Variants in CDH23 observed in about 807,000 individuals in gnomAD.
CDH23 encodes the protein cadherin-23.
In CDH23, 189 loss-of-function variants were observed where a neutral mutation model predicts 317.1. That is an observed-to-expected ratio of 0.60 (90% CI 0.53 to 0.67). The LOEUF is 0.67. Ranked by LOEUF, CDH23 falls within the 30% of genes least tolerant of loss-of-function variation. The pLI, the probability that CDH23 is intolerant of heterozygous loss-of-function variation, is 0.00. For missense variants in CDH23, 4,401 were observed against 4,592.4 expected (o/e 0.96, Z 1.20); for synonymous variants, 1,839 against 1,876.8 (o/e 0.98, Z 0.52).
At chr10:71,466,526 G>T (rs1851263838) in intron 3 of CDH23, among the ~76,000 whole-genome samples, 1 of 152,186 alleles carries the variant, frequency 6.6e-6, no homozygotes, top group African/African-American at 2.4e-5. Flanking sequence ...GTGAGTGAAA[G>T]TGTGTGTGCC....
At chr10:71,497,990 G>T (rs969812673) in intron 3 of CDH23, among the ~76,000 whole-genome samples, 1 of 152,164 alleles carries the variant, frequency 6.6e-6, no homozygotes, top group Non-Finnish European at 1.5e-5. Flanking sequence ...TCCCCAGCAC[G>T]ACACCCACAA....
chr10:71,557,208 T>C (rs1856915483), intron 6 of CDH23, among the ~76,000 whole-genome samples: 1 of 152,286 alleles, frequency 6.6e-6, no homozygotes. Flanking sequence ...ACTGTAATTA[T>C]ATTTCCTCTT....
chr10:71,442,573 C>T (rs1267191343), intron 2 of CDH23, among the ~76,000 whole-genome samples: 2 of 151,266 alleles, frequency 1.3e-5, no homozygotes, highest in Non-Finnish European at 2.9e-5. Flanking sequence ...TGCCTTCTCT[C>T]TTTGAAGCCT....
rs1438024506 is a variant in CDH23 at position 71,403,429 on chromosome 10, C to T, written c.-6+6111C>T. Reference sequence around the variant, plus strand: ...TTTCTCTTCCTTCCTTCCTTCCTTCCTTCCTTCCTTCCTTCCTTCCTTCCT... The same window carrying T: ...TTTCTCTTCCTTCCTTCCTTCCTTCTTTCCTTCCTTCCTTCCTTCCTTCCT... On this transcript the variant is annotated intron_variant, in intron 1 of 69. Transcript: ENST00000224721. Among the ~76,000 whole-genome samples the T allele has an allele frequency of 5.7e-4, 39 of 68,578 alleles. 2 individuals are homozygous for T. The highest frequency in any genetic ancestry group is 3.7e-3 in the African/African-American group (35 of 9,584). 45.0% of individuals were successfully genotyped at this position (68,578 alleles called of 152,430 possible).
intron 3 of CDH23, among the ~76,000 whole-genome samples, chr10:71,452,472 C>A (rs747258721): frequency 2.0e-5 from 3 of 152,184 alleles, no homozygotes; most frequent in Non-Finnish European, 2.9e-5. Context: ...CACTGCCGTG[C>A]CCTCAACCAT....
intron 9 of CDH23, among the ~76,000 whole-genome samples, chr10:71,600,562 G>C (rs1860150385): frequency 6.7e-6 from 1 of 148,782 alleles, no homozygotes; most frequent in Non-Finnish European, 1.5e-5. Context: ...CTGTCACCAG[G>C]CTGGAGTGCA....
chr10:71,573,615 C>T (rs980492141), intron 8 of CDH23, among the ~76,000 whole-genome samples: 9 of 152,228 alleles, frequency 5.9e-5, no homozygotes, highest in South Asian at 2.1e-4. Flanking sequence ...CTCTCTCAGA[C>T]GCAAGGATCT....
chr10:71,790,018 TG>T, intron 45 of CDH23, among the ~76,000 whole-genome samples: 1 of 152,334 alleles, frequency 6.6e-6, no homozygotes, highest in Non-Finnish European at 1.5e-5. Flanking sequence ...CAAAGGCTGC[TG>T]GGAAGGCAGA....
At chr10:71,778,400 G>C in intron 40 of CDH23, 92 bp downstream of exon 40, 1 of 1,512,508 alleles carries the variant, frequency 6.6e-7, no homozygotes, top group African/African-American at 1.4e-5. Context: ...GTTAGGGGAA[G>C]ATTGTCTGAG....
intron 22 of CDH23, among the ~76,000 whole-genome samples, chr10:71,697,547 C>T (rs1865437972): frequency 6.6e-6 from 1 of 152,070 alleles, no homozygotes; most frequent in Admixed American, 6.5e-5. Flanking sequence ...GTGGTGCACA[C>T]CTGTGGTCCC....
intron 1 of CDH23, among the ~76,000 whole-genome samples, chr10:71,402,121 A>G (rs1000029742): frequency 5.9e-5 from 9 of 152,084 alleles, no homozygotes; most frequent in Non-Finnish European, 8.8e-5. Flanking sequence ...ACAGCTCCAT[A>G]TATTTGGGGC....
intron 38 of CDH23, among the ~76,000 whole-genome samples, chr10:71,772,844 C>G (rs746203229): frequency 6.6e-6 from 1 of 152,188 alleles, no homozygotes; most frequent in Admixed American, 6.5e-5. Flanking sequence ...GTGGACCCAC[C>G]GTGACCAGTG....
intron 3 of CDH23, among the ~76,000 whole-genome samples, chr10:71,468,090 C>T (rs1460899733): frequency 1.3e-5 from 2 of 152,208 alleles, no homozygotes; most frequent in African/African-American, 4.8e-5. Flanking sequence ...AGCCCACACG[C>T]TCCTTGCTGT....
intron 38 of CDH23, among the ~76,000 whole-genome samples, chr10:71,770,026 C>A (rs1322394138): frequency 6.6e-6 from 1 of 152,214 alleles, no homozygotes; most frequent in Non-Finnish European, 1.5e-5. Context: ...CCTACAGGGG[C>A]TCACAGGTAG....
At chr10:71,745,928 C>T (rs900835835) in intron 38 of CDH23, among the ~76,000 whole-genome samples, 16 of 152,276 alleles carry the variant, frequency 1.1e-4, no homozygotes, top group African/African-American at 3.9e-4. Context: ...CATCCTTTTA[C>T]TCCCACTGCA....
chr10:71,397,905 G>A lies in CDH23; in HGVS notation c.-6+587G>A, dbSNP rs998839439. Reference sequence around the variant, plus strand: ...CCTCCCAAATTCGGTCCAGCTATGGGAAGACGCGCCCCTCGAGGAGCCGGG... The same window carrying A: ...CCTCCCAAATTCGGTCCAGCTATGGAAAGACGCGCCCCTCGAGGAGCCGGG... On this transcript the variant is annotated intron_variant, in intron 1 of 69. Transcript: ENST00000224721. This position sits in a 1 kb window ranked among gnomAD's most constrained non-coding sequence, Gnocchi z 4.8. Among the ~76,000 whole-genome samples the A allele has an allele frequency of 1.3e-5, 2 of 152,186 alleles. No individual in the cohort carries two copies. The highest frequency in any genetic ancestry group is 2.9e-5 in the Non-Finnish European group (2 of 68,030).
chr10:71,456,401 A>G (rs1850697062), intron 3 of CDH23, among the ~76,000 whole-genome samples: 1 of 150,762 alleles, frequency 6.6e-6, no homozygotes, highest in Non-Finnish European at 1.5e-5. Flanking sequence ...TAGGCCCTCT[A>G]AGGTGATAGA....
At chr10:71,594,280 G>A (rs946693941) in intron 9 of CDH23, among the ~76,000 whole-genome samples, 1 of 152,082 alleles carries the variant, frequency 6.6e-6, no homozygotes, top group African/African-American at 2.4e-5. Flanking sequence ...CCTCAAAAAT[G>A]TTTGTGGAAA....
rs147413656 is a variant in CDH23 at position 71,396,924 on chromosome 10, G to A, written c.-400G>A. 1,073 of 153,072 alleles carry A rather than the reference G, an allele frequency of 7.0e-3. 39 individuals carry two copies. In the East Asian group the frequency reaches 0.075, roughly 11 times the overall value. The allele number at this position is 153,072 out of a possible 1,614,324, so 9.5% of individuals were successfully genotyped here. A position where few individuals can be genotyped will look rare whatever the true frequency, so the allele number is the denominator to read the frequency against. On this transcript the variant is annotated 5_prime_UTR_variant, in exon 1 of 70. Coordinates refer to ENST00000224721, the MANE Select transcript of CDH23 (RefSeq NM_022124.6). This position sits in a 1 kb window ranked among gnomAD's most constrained non-coding sequence, Gnocchi z 4.2. ...CGGGGGAAGCAAGGGAAAGTTGATCGCGGACTTGAGCGGCGGCGGCGGCTC... is the reference window on the plus strand; with the variant it reads ...CGGGGGAAGCAAGGGAAAGTTGATCACGGACTTGAGCGGCGGCGGCGGCTC...
Sources: allele counts gnomAD v4.1 joint callset (sites outside exome capture counted in the v4.1 genomes callset), GRCh38; gene constraint gnomAD v4.1.1; non-coding constraint Gnocchi (gnomAD v3.1); transcripts MANE v1.5; gene names NCBI Gene and HGNC (gene_info 2026-07-23, HGNC 2026-07-21).